TOX: variants seen among roughly 807,000 people sequenced by gnomAD.
TOX encodes the protein thymocyte selection-associated high mobility group box protein TOX.
A neutral mutation model predicts 53.7 loss-of-function variants in TOX; 11 were observed. The observed-to-expected ratio is 0.20, with a 90% CI of 0.13 to 0.34. The LOEUF (loss-of-function observed/expected upper bound fraction) is 0.34, where lower values mean the gene tolerates loss of function less well. Among genes scored for constraint, TOX ranks in the 10% least tolerant of loss-of-function variants. TOX has a pLI of 1.00. For missense variants in TOX, 570 were observed against 664.6 expected, an observed-to-expected ratio of 0.86 and a Z score of 1.56; for synonymous variants, 225 against 245.3, an observed-to-expected ratio of 0.92 and a Z score of 0.77.
At position 59,005,666 on chromosome 8, in the gene TOX, T is replaced by C. The variant is rs186740934; in HGVS notation, c.103-45658A>G. On this transcript the variant is annotated intron_variant, in intron 1 of 8. Coordinates refer to ENST00000361421, the MANE Select transcript of TOX (RefSeq NM_014729.3). ...AAAAGTTTAACTTTATTTTTTTTAA[T>C]GAGCATTAAACAATAAGGAAAGACC... Among the ~76,000 whole-genome samples the C allele has an allele frequency of 3.6e-3, 545 of 152,338 alleles. 5 individuals carry two copies. Among genetic ancestry groups the C allele is most frequent in the Non-Finnish European group, 4.8e-3 (326 of 68,042 alleles).
intron 5 of TOX, 100 bp from the exon 6 acceptor site, chr8:58,827,002 T>C (rs1002081720): frequency 3.1e-6 from 2 of 644,770 alleles, no homozygotes; most frequent in African/African-American, 1.9e-5. Context: ...AACACACTTA[T>C]AGTTATATAA....
chr8:59,119,117 C>A lies in TOX; in HGVS notation c.-130G>T. 3.6e-6 allele frequency: 2 copies of A among 550,028 alleles called. No homozygotes were observed. Among genetic ancestry groups the A allele is most frequent in the Non-Finnish European group, 6.3e-6 (2 of 316,148 alleles). 34.1% of individuals were successfully genotyped at this position (550,028 alleles called of 1,614,324 possible). A position where few individuals can be genotyped will look rare whatever the true frequency, so the allele number is the denominator to read the frequency against. ...TAAAAGAAACACCTTCCTTCCCTCA[C>A]ATCCGTTTGTGGTTTGTTTAAGAAG... On this transcript the variant is annotated 5_prime_UTR_variant, in exon 1 of 9. The change abolishes an upstream ATG in the 5' untranslated region. Transcript: ENST00000361421.
chr8:58,844,033 T>C (rs1354391223), intron 4 of TOX, among the ~76,000 whole-genome samples: 7 of 152,242 alleles, frequency 4.6e-5, no homozygotes, highest in African/African-American at 1.7e-4. Flanking sequence ...AATGGATTTA[T>C]AATCTGTCCC....
intron 3 of TOX, among the ~76,000 whole-genome samples, chr8:58,910,584 T>C (rs949667553): frequency 6.6e-6 from 1 of 152,230 alleles, no homozygotes. Flanking sequence ...AATTTTATTA[T>C]TTGGGAATTT....
chr8:59,108,140 G>A (rs1044618722), intron 1 of TOX, among the ~76,000 whole-genome samples: 16 of 152,176 alleles, frequency 1.1e-4, no homozygotes, highest in Admixed American at 7.9e-4. Flanking sequence ...CACCACTGAC[G>A]AATAATGTGT....
intron 1 of TOX, among the ~76,000 whole-genome samples, chr8:59,049,491 A>G (rs1803751555): frequency 6.6e-6 from 1 of 152,212 alleles, no homozygotes; most frequent in Non-Finnish European, 1.5e-5. Flanking sequence ...GTTAATGATC[A>G]TATCTACAAT....
At chr8:59,063,898 ATGTG>A (rs35691859) in intron 1 of TOX, among the ~76,000 whole-genome samples, 65 of 151,416 alleles carry the variant, frequency 4.3e-4, no homozygotes, top group Middle Eastern at 6.8e-3. Flanking sequence ...TAAATCATGT[ATGTG>A]TGTGTGTGTG....
intron 1 of TOX, among the ~76,000 whole-genome samples, chr8:58,976,299 C>G (rs1275029128): frequency 6.6e-6 from 1 of 152,196 alleles, no homozygotes; most frequent in Non-Finnish European, 1.5e-5. Flanking sequence ...AATGGTGATT[C>G]TATCTGAAGA....
intron 1 of TOX, among the ~76,000 whole-genome samples, chr8:59,045,401 TA>T (rs1183795613): frequency 1.3e-5 from 2 of 152,244 alleles, no homozygotes; most frequent in African/African-American, 4.8e-5. Context: ...TTTTATTTTT[TA>T]AATAATTCAT....
intron 3 of TOX, among the ~76,000 whole-genome samples, chr8:58,909,093 A>C (rs1419541963): frequency 6.6e-6 from 1 of 152,224 alleles, no homozygotes; most frequent in Non-Finnish European, 1.5e-5. Context: ...CACACATTAG[A>C]ATTACCTAGG....
chr8:59,072,657 C>T (rs1208455809), intron 1 of TOX, among the ~76,000 whole-genome samples: 5 of 152,168 alleles, frequency 3.3e-5, no homozygotes, highest in African/African-American at 4.8e-5. Flanking sequence ...ATGATACTAT[C>T]TTTTCCAGCT....
chr8:58,910,170 G>A (rs1455757016), intron 3 of TOX, among the ~76,000 whole-genome samples: 1 of 152,094 alleles, frequency 6.6e-6, no homozygotes, highest in East Asian at 1.9e-4. Flanking sequence ...AATAGTCTAG[G>A]AATCCATATG....
At chr8:59,065,823 C>T (rs1804077584) in intron 1 of TOX, among the ~76,000 whole-genome samples, 1 of 152,096 alleles carries the variant, frequency 6.6e-6, no homozygotes, top group Non-Finnish European at 1.5e-5. Context: ...TGAATGCTCA[C>T]ATGAGAACCA....
chr8:58,855,149 T>A (rs1367988513), intron 3 of TOX, among the ~76,000 whole-genome samples: 25 of 152,200 alleles, frequency 1.6e-4, no homozygotes, highest in Admixed American at 1.6e-3. Flanking sequence ...CTTCACTGAC[T>A]TCTCTTTTTT....
chr8:59,068,579 T>A (rs1164010732), intron 1 of TOX, among the ~76,000 whole-genome samples: 3 of 152,204 alleles, frequency 2.0e-5, no homozygotes. Flanking sequence ...TTACTCTTCT[T>A]GTGTATCAGG....
intron 2 of TOX, among the ~76,000 whole-genome samples, chr8:58,939,958 C>T (rs1239071576): frequency 1.3e-5 from 2 of 152,150 alleles, no homozygotes; most frequent in African/African-American, 4.8e-5. Context: ...GTAATAAAAA[C>T]GAATTCCAGA....
chr8:58,889,212 C>CAA (rs10556451), intron 3 of TOX, among the ~76,000 whole-genome samples: 11 of 114,438 alleles, frequency 9.6e-5, no homozygotes, highest in African/African-American at 2.2e-4. Flanking sequence ...TTTACAATAG[C>CAA]AAAAAAAAAA....
In TOX at chr8:59,056,391, C is replaced by A. The variant is rs1803888932; in HGVS notation, c.102+62495G>T. 2.4e-5 allele frequency among the ~76,000 whole-genome samples: 3 copies of A among 123,368 alleles called. No homozygotes were observed. In the Admixed American group the frequency reaches 3.2e-4, roughly 13 times the overall value. The allele number at this position is 123,368 out of a possible 152,430, so 80.9% of individuals were successfully genotyped here. ...GGGTTGCAGTGAGCTATGATCGTGC[C>A]ACTGCACTCCAGCCTGGGTGATAGA... On this transcript the variant is annotated intron_variant, in intron 1 of 8. Transcript: ENST00000361421.
intron 2 of TOX, among the ~76,000 whole-genome samples, chr8:58,942,311 T>C (rs1225299297): frequency 5.3e-5 from 8 of 152,168 alleles, no homozygotes; most frequent in Admixed American, 3.3e-4. Flanking sequence ...TGTATTGCAA[T>C]TGAGTTAAGC....
Sources: allele counts gnomAD v4.1 joint callset (sites outside exome capture counted in the v4.1 genomes callset), GRCh38; gene constraint gnomAD v4.1.1; transcripts MANE v1.5; gene names NCBI Gene and HGNC (gene_info 2026-07-23, HGNC 2026-07-21).